LPAR1: variants seen among roughly 807,000 people sequenced by gnomAD.
LPAR1 encodes LPA receptor 1.
Under a neutral mutation model 23.8 loss-of-function variants are expected in LPAR1, and 5 were observed. The observed-to-expected ratio is 0.21, with a 90% CI of 0.11 to 0.44. LPAR1 has a LOEUF of 0.44. Among genes scored for constraint, LPAR1 ranks in the 20% least tolerant of loss-of-function variants. LPAR1 has a pLI of 0.99. For missense variants in LPAR1, 311 were observed against 482.8 expected (o/e 0.64, Z 3.33); for synonymous variants, 160 against 164.7 (o/e 0.97, Z 0.22).
In LPAR1 at chr9:110,875,669, A is replaced by G. The variant is rs369322885; in HGVS notation, c.847T>C (p.Cys283Arg). 2.5e-6 allele frequency: 4 copies of G among 1,613,924 alleles called. No homozygotes were observed. Among genetic ancestry groups the G allele is most frequent in the Non-Finnish European group, 2.5e-6 (3 of 1,179,848 alleles). Residue 283 changes from cysteine to arginine, a missense_variant, in exon 6 of 6, where the codon TGC becomes CGC. Cys to Arg is a radical substitution (Grantham distance 180). Around this residue, in one of 2 missense-constraint regions of LPAR1, gnomAD observed 250 missense variants for 427.2 expected, o/e 0.59. Transcript: ENST00000683809. The part of the protein sequence containing the change: ...PGLVLLLLDV[C>R]CPQCDVLAYE... Reference sequence around the variant, plus strand: ...GCCAGCACGTCGCACTGTGGACAGCACACGTCTAGAAGTAACAAAACCAAT... The same window carrying G: ...GCCAGCACGTCGCACTGTGGACAGCGCACGTCTAGAAGTAACAAAACCAAT...
chr9:110,990,471 T>A (rs1340602575), intron 2 of LPAR1, among the ~76,000 whole-genome samples: 1 of 152,120 alleles, frequency 6.6e-6, no homozygotes, highest in Non-Finnish European at 1.5e-5. Context: ...AACTAAGTAA[T>A]GTATCTGTAT....
chr9:110,912,079 G>A (rs547171882), intron 5 of LPAR1, among the ~76,000 whole-genome samples: 1 of 152,290 alleles, frequency 6.6e-6, no homozygotes, highest in Non-Finnish European at 1.5e-5. Flanking sequence ...GGGTTACTGA[G>A]GGCTGTGGGA....
chr9:110,944,090 C>T (rs1461972688), intron 4 of LPAR1, among the ~76,000 whole-genome samples: 1 of 152,146 alleles, frequency 6.6e-6, no homozygotes, highest in African/African-American at 2.4e-5. Flanking sequence ...TGGTTCTCAA[C>T]AGTGAAAACA....
intron 5 of LPAR1, chr9:110,934,308 G>A (rs1342772213): frequency 1.3e-5 from 2 of 152,206 alleles, no homozygotes; most frequent in African/African-American, 4.8e-5. Context: ...GGAAAGTAAA[G>A]CCCCCAGATT....
At position 110,941,980 on chromosome 9, in the gene LPAR1, G is replaced by A; in HGVS notation, c.234C>T (p.Arg78=). 6 of 1,614,162 alleles carry A rather than the reference G, an allele frequency of 3.7e-6. No homozygotes were observed. The highest frequency in any genetic ancestry group is 5.1e-6 in the Non-Finnish European group (6 of 1,180,006). Residue 78 remains arginine, a synonymous_variant, in exon 5 of 6, where the codon CGC becomes CGT. Transcript: ENST00000683809. This position sits in a 1 kb window ranked among gnomAD's most constrained non-coding sequence, Gnocchi z 6.1. ...GGTAATAAATAGGAAAATGGAAGCG[G>A]CGGTTGACATAGATTGCCACCATGA... is the stretch of plus-strand genomic sequence containing the variant. ...LLVMVAIYVN[R]RFHFPIYYLM... is the part of the protein sequence containing the mutation.
At chr9:110,901,109 T>C (rs535106547) in intron 5 of LPAR1, among the ~76,000 whole-genome samples, 91 of 152,182 alleles carry the variant, frequency 6.0e-4, no homozygotes, top group Non-Finnish European at 8.8e-4. Context: ...ACACTTACAG[T>C]TTCTTTCCCT....
Position 110,914,574 on chromosome 9 carries a change from C to T in LPAR1, c.793+26847G>A, listed in dbSNP as rs550587695. Among the ~76,000 whole-genome samples the T allele has an allele frequency of 3.9e-5, 6 of 152,310 alleles. No homozygotes were observed. In the South Asian group the frequency reaches 1.2e-3, roughly 32 times the overall value. On this transcript the variant is annotated intron_variant, in intron 5 of 5. Coordinates refer to ENST00000683809, the MANE Select transcript of LPAR1 (RefSeq NM_001351411.2). ...AGATTTGGGTGGGGACCCAGCCAAA[C>T]TATATCAGTCTTTAATAAATGTGTT...
At chr9:111,034,655 A>G (rs887774614) in intron 2 of LPAR1, among the ~76,000 whole-genome samples, 1 of 152,238 alleles carries the variant, frequency 6.6e-6, no homozygotes, top group Non-Finnish European at 1.5e-5. Flanking sequence ...CGTAGCAGCC[A>G]TAAGTTACAC....
At chr9:111,031,407 GA>G (rs1354085692) in intron 2 of LPAR1, among the ~76,000 whole-genome samples, 3,533 of 89,942 alleles carry the variant, frequency 0.039, 147 homozygotes, top group African/African-American at 0.13. Flanking sequence ...AAAAAAAAAA[GA>G]AAAAAAAAAA....
chr9:110,905,346 A>ATT (rs1359000599), intron 5 of LPAR1, among the ~76,000 whole-genome samples: 6 of 126,616 alleles, frequency 4.7e-5, no homozygotes, highest in African/African-American at 1.2e-4. Context: ...GCTTTTTTTT[A>ATT]TTATTTTTTT....
chr9:111,025,389 T>A (rs1353307083), intron 2 of LPAR1, among the ~76,000 whole-genome samples: 1 of 152,220 alleles, frequency 6.6e-6, no homozygotes, highest in South Asian at 2.1e-4. Context: ...CACGTTTTGA[T>A]GGAGTTCTTT....
At chr9:110,892,919 A>T (rs1300210238) in intron 5 of LPAR1, among the ~76,000 whole-genome samples, 4 of 151,742 alleles carry the variant, frequency 2.6e-5, no homozygotes, top group Non-Finnish European at 4.4e-5. Flanking sequence ...TGCAGGCTGC[A>T]CCCTTACTGG....
intron 2 of LPAR1, among the ~76,000 whole-genome samples, chr9:110,983,498 G>A (rs535194784): frequency 1.3e-5 from 2 of 152,138 alleles, no homozygotes; most frequent in East Asian, 3.9e-4. Flanking sequence ...CTGGGGGAGA[G>A]GGATGAATGA....
chr9:110,897,756 G>A (rs1233646435), intron 5 of LPAR1, among the ~76,000 whole-genome samples: 1 of 148,716 alleles, frequency 6.7e-6, no homozygotes, highest in African/African-American at 2.5e-5. Flanking sequence ...AAGATAGGGA[G>A]AAACATTGAA....
At chr9:111,018,888 TTGAA>T (rs2097506427) in intron 2 of LPAR1, among the ~76,000 whole-genome samples, 2 of 152,296 alleles carry the variant, frequency 1.3e-5, no homozygotes, top group Middle Eastern at 3.4e-3. Flanking sequence ...AGGGCAATGG[TTGAA>T]TGAACAGTTT....
Position 110,875,427 on chromosome 9 carries a change from C to T in LPAR1, c.1089G>A (p.Val363=). The T allele has an allele frequency of 6.2e-7, 1 of 1,610,592 alleles. No individual in the cohort carries two copies. Among genetic ancestry groups the T allele is most frequent in the Non-Finnish European group, 8.5e-7 (1 of 1,177,386 alleles). ...LAGVHSNDHS[V]V ...CCTCATCTCAGTTTCCGTTCTAAAC[C>T]ACAGAGTGGTCATTGCTGTGAACTC... Residue 363 remains valine (V), a synonymous_variant, in exon 6 of 6, where the codon GTG becomes GTA. Coordinates refer to ENST00000683809, the MANE Select transcript of LPAR1 (RefSeq NM_001351411.2).
chr9:110,881,789 G>A (rs531426225), intron 5 of LPAR1, among the ~76,000 whole-genome samples: 1 of 152,278 alleles, frequency 6.6e-6, no homozygotes, highest in Non-Finnish European at 1.5e-5. Flanking sequence ...TACAAAACAA[G>A]CATAAATCAA....
intron 2 of LPAR1, among the ~76,000 whole-genome samples, chr9:111,020,064 G>T (rs1316458965): frequency 1.3e-5 from 2 of 151,910 alleles, no homozygotes; most frequent in Admixed American, 6.6e-5. Context: ...TTCCCATAAG[G>T]CCACCAATCC....
At chr9:110,930,313 C>T (rs901896828) in intron 5 of LPAR1, among the ~76,000 whole-genome samples, 3 of 151,806 alleles carry the variant, frequency 2.0e-5, no homozygotes, top group East Asian at 1.9e-4. Flanking sequence ...ATTGAGAGTT[C>T]GATACCACCC....
Sources: allele counts gnomAD v4.1 joint callset (sites outside exome capture counted in the v4.1 genomes callset), GRCh38; gene constraint gnomAD v4.1.1; regional missense constraint gnomAD v4.1.1; non-coding constraint Gnocchi (gnomAD v3.1); transcripts MANE v1.5; gene names NCBI Gene and HGNC (gene_info 2026-07-23, HGNC 2026-07-21).